CCSER1: variants seen among roughly 807,000 people sequenced by gnomAD.
CCSER1 encodes the protein serine-rich coiled-coil domain-containing protein 1.
A neutral mutation model predicts 82.0 loss-of-function variants in CCSER1; 41 were observed. The observed-to-expected ratio is 0.50, with a 90% CI of 0.39 to 0.65. The LOEUF (loss-of-function observed/expected upper bound fraction) is 0.65, where lower values mean the gene tolerates loss of function less well. CCSER1 is among the 30% of genes least tolerant of loss of function. The pLI is 0.00. For missense variants in CCSER1, 1,119 were observed against 1,064.2 expected, an observed-to-expected ratio of 1.05 and a Z score of -0.72; for synonymous variants, 414 against 383.9, an observed-to-expected ratio of 1.08 and a Z score of -0.92.
At chr4:91,559,545 T>G (rs1017845024) in intron 10 of CCSER1, among the ~76,000 whole-genome samples, 46 of 151,678 alleles carry the variant, frequency 3.0e-4, no homozygotes, top group African/African-American at 1.1e-3. Flanking sequence ...CCATTTTTTT[T>G]GAATCCAGGG....
intron 10 of CCSER1, among the ~76,000 whole-genome samples, chr4:91,463,417 C>A (rs915655600): frequency 6.6e-6 from 1 of 152,130 alleles, no homozygotes; most frequent in South Asian, 2.1e-4. Flanking sequence ...AAAAACAGAG[C>A]AAAAAAGCTG....
chr4:91,193,304 T>C (rs1735153401), intron 10 of CCSER1, among the ~76,000 whole-genome samples: 1 of 152,192 alleles, frequency 6.6e-6, no homozygotes, highest in Non-Finnish European at 1.5e-5. Context: ...TAAATTCTCC[T>C]TAAAATGTTG....
chr4:90,912,877 A>T (rs1373980266), intron 8 of CCSER1, among the ~76,000 whole-genome samples: 2 of 152,234 alleles, frequency 1.3e-5, no homozygotes, highest in East Asian at 1.9e-4. Flanking sequence ...CAACTGGAAG[A>T]AAGGGTATCA....
chr4:91,478,476 CAAT>C (rs1757714182), intron 10 of CCSER1, among the ~76,000 whole-genome samples: 1 of 151,712 alleles, frequency 6.6e-6, no homozygotes, highest in African/African-American at 2.4e-5. Flanking sequence ...GAGACAGTCT[CAAT>C]AAGGATCAGT....
At chr4:90,641,868 G>A (rs547654292) in intron 6 of CCSER1, 4 of 252,946 alleles carry the variant, frequency 1.6e-5, no homozygotes, top group African/African-American at 4.4e-5. Context: ...TAATCTATTT[G>A]TGTTATTATC....
intron 10 of CCSER1, among the ~76,000 whole-genome samples, chr4:91,322,083 A>C (rs958260488): frequency 6.6e-5 from 10 of 152,260 alleles, no homozygotes; most frequent in Non-Finnish European, 1.3e-4. Flanking sequence ...TTAAAATGCC[A>C]CTGAAAACAG....
chr4:90,456,787 G>A (rs1325040274), intron 4 of CCSER1, among the ~76,000 whole-genome samples: 2 of 152,178 alleles, frequency 1.3e-5, no homozygotes, highest in African/African-American at 4.8e-5. Context: ...CCCAAAAAAG[G>A]ACAGAAAGCA....
At chr4:90,985,004 C>T (rs779479053) in intron 9 of CCSER1, among the ~76,000 whole-genome samples, 6 of 151,642 alleles carry the variant, frequency 4.0e-5, no homozygotes, top group Non-Finnish European at 7.4e-5. Flanking sequence ...GCAGGAAAGG[C>T]GAAGGCAGAA....
In CCSER1 at chr4:91,559,556, G is replaced by C. The variant is rs1178528490; in HGVS notation, c.2218-39016G>C. 2.0e-5 allele frequency among the ~76,000 whole-genome samples: 3 copies of C among 151,474 alleles called. No individual in the cohort carries two copies. In the East Asian group the frequency reaches 5.8e-4, roughly 29 times the overall value. On this transcript the variant is annotated intron_variant, in intron 10 of 10. Coordinates refer to ENST00000509176, the MANE Select transcript of CCSER1 (RefSeq NM_001145065.2). ...CTGGCCATTTTTTTTGAATCCAGGG[G>C]AGTAGGGATGACAATTCTGGATTAC...
At chr4:90,411,579 C>A (rs919616502) in intron 4 of CCSER1, among the ~76,000 whole-genome samples, 4 of 152,190 alleles carry the variant, frequency 2.6e-5, no homozygotes, top group Admixed American at 2.6e-4. Flanking sequence ...AACAACACTT[C>A]GTGCTAAAAA....
chr4:90,893,798 G>T (rs985154210), intron 8 of CCSER1, among the ~76,000 whole-genome samples: 1 of 150,240 alleles, frequency 6.7e-6, no homozygotes, highest in Admixed American at 6.7e-5. Flanking sequence ...TGTGTGGGGG[G>T]TGAATTTTTA....
chr4:90,861,927 T>TATATATATATATATATATATATA (rs796104595), intron 8 of CCSER1, among the ~76,000 whole-genome samples: 1 of 74,430 alleles, frequency 1.3e-5, no homozygotes, highest in African/African-American at 3.7e-5. Context: ...TATATATATA[T>TATATATATATATATATATATATA]TTTTTTTTTC....
At chr4:90,326,154 G>T (rs1007346807) in intron 3 of CCSER1, among the ~76,000 whole-genome samples, 19 of 150,632 alleles carry the variant, frequency 1.3e-4, no homozygotes, top group African/African-American at 4.4e-4. Flanking sequence ...CGCCTCCCAG[G>T]TTCAGGCCAT....
intron 6 of CCSER1, among the ~76,000 whole-genome samples, chr4:90,716,290 T>C (rs1180892416): frequency 6.6e-6 from 1 of 151,908 alleles, no homozygotes; most frequent in Non-Finnish European, 1.5e-5. Flanking sequence ...ATTAAAAATA[T>C]GTACAAAAAT....
chr4:90,786,688 G>T (rs753054300), intron 7 of CCSER1, among the ~76,000 whole-genome samples: 11 of 152,182 alleles, frequency 7.2e-5, no homozygotes, highest in Middle Eastern at 3.4e-3. Context: ...ATACCACAGC[G>T]ATCAACAATG....
chr4:90,527,998 G>A (rs1774004318), intron 5 of CCSER1, among the ~76,000 whole-genome samples: 1 of 152,094 alleles, frequency 6.6e-6, no homozygotes, highest in Non-Finnish European at 1.5e-5. Context: ...GTGAGTATCA[G>A]TATTTGACAG....
intron 6 of CCSER1, among the ~76,000 whole-genome samples, chr4:90,721,241 T>C (rs1337094640): frequency 6.6e-6 from 1 of 151,920 alleles, no homozygotes; most frequent in Admixed American, 6.6e-5. Context: ...AGGTTCATAT[T>C]ATTTATCTGT....
intron 6 of CCSER1, among the ~76,000 whole-genome samples, chr4:90,641,628 G>T (rs777082992): frequency 4.6e-5 from 7 of 151,978 alleles, no homozygotes; most frequent in East Asian, 1.9e-4. Context: ...GAAATATTTT[G>T]CCTACTCCTA....
intron 1 of CCSER1, among the ~76,000 whole-genome samples, chr4:90,222,978 T>A (rs1489075219): frequency 6.6e-6 from 1 of 152,176 alleles, no homozygotes; most frequent in South Asian, 2.1e-4. Context: ...TATATATGTG[T>A]GTGTGTGTTT....
Sources: gnomAD v4.1 joint callset for allele counts (sites outside exome capture counted in the v4.1 genomes callset) on GRCh38, gnomAD v4.1.1 for gene constraint, MANE v1.5 for transcripts, NCBI Gene and HGNC (gene_info 2026-07-23, HGNC 2026-07-21) for gene names.